DCC: variants seen among roughly 807,000 people sequenced by gnomAD.
DCC encodes netrin receptor DCC.
In DCC, 58 loss-of-function variants were observed where a neutral mutation model predicts 172.5. That is an observed-to-expected ratio of 0.34 (90% CI 0.27 to 0.42). The LOEUF (loss-of-function observed/expected upper bound fraction) is 0.42, where lower values mean the gene tolerates loss of function less well. Ranked by LOEUF, DCC falls within the 10% of genes least tolerant of loss-of-function variation. DCC has a pLI of 1.00. For synonymous variants in DCC, 709 were observed against 644.5 expected, an observed-to-expected ratio of 1.10 and a Z score of -1.52; for missense variants, 1,740 against 1,791.0, an observed-to-expected ratio of 0.97 and a Z score of 0.51.
At position 53,226,951 on chromosome 18, in the gene DCC, T is replaced by A. The variant is rs1453985392; in HGVS notation, c.1911+11354T>A. Among the ~76,000 whole-genome samples, 256 of 111,680 alleles carry A rather than the reference T, an allele frequency of 2.3e-3. 7 individuals carry two copies. The highest frequency in any genetic ancestry group is 8.1e-3 in the Middle Eastern group (2 of 246). 73.3% of individuals were successfully genotyped at this position (111,680 alleles called of 152,430 possible). On this transcript the variant is annotated intron_variant, in intron 12 of 28. Transcript: ENST00000442544. ...GTGTGTGTGTATATATATATATATT[T>A]TTTTTTTTTTTTTTTTGAGGCAGAG...
chr18:53,234,070 G>C (rs1041872933), intron 12 of DCC, among the ~76,000 whole-genome samples: 2 of 152,130 alleles, frequency 1.3e-5, no homozygotes, highest in Non-Finnish European at 2.9e-5. Flanking sequence ...GACCAACATG[G>C]AGAAACACCA....
intron 13 of DCC, among the ~76,000 whole-genome samples, chr18:53,310,375 G>T (rs1180664915): frequency 6.6e-6 from 1 of 151,918 alleles, no homozygotes; most frequent in African/African-American, 2.4e-5. Flanking sequence ...TTAAAAAATT[G>T]GAAATTTCAG....
chr18:53,397,899 G>A (rs1003938639), intron 18 of DCC, among the ~76,000 whole-genome samples: 1 of 152,174 alleles, frequency 6.6e-6, no homozygotes, highest in Non-Finnish European at 1.5e-5. Context: ...AACCTTGGCT[G>A]GATATGGGAA....
intron 1 of DCC, among the ~76,000 whole-genome samples, chr18:52,373,811 C>T (rs922759902): frequency 1.3e-5 from 2 of 151,898 alleles, no homozygotes; most frequent in African/African-American, 4.8e-5. Context: ...CTTATCCTCT[C>T]TCTCCCTGGA....
intron 1 of DCC, among the ~76,000 whole-genome samples, chr18:52,421,645 T>A (rs1305443867): frequency 6.6e-6 from 1 of 152,202 alleles, no homozygotes; most frequent in South Asian, 2.1e-4. Flanking sequence ...ATCTTGGCAC[T>A]TGAGCCTTCA....
At chr18:53,308,032 G>A (rs773529076) in intron 13 of DCC, among the ~76,000 whole-genome samples, 66 of 148,514 alleles carry the variant, frequency 4.4e-4, no homozygotes, top group Non-Finnish European at 8.2e-4. Flanking sequence ...TATGACCCAG[G>A]TTTCCAAATT....
chr18:53,152,688 A>C (rs1317616601), intron 7 of DCC, among the ~76,000 whole-genome samples: 1 of 152,230 alleles, frequency 6.6e-6, no homozygotes, highest in African/African-American at 2.4e-5. Context: ...CAGAGAGATT[A>C]GGGCCAGACT....
At chr18:53,427,531 G>C (rs1227988283) in intron 21 of DCC, among the ~76,000 whole-genome samples, 1 of 151,562 alleles carries the variant, frequency 6.6e-6, no homozygotes, top group Non-Finnish European at 1.5e-5. Context: ...GGGTGATCAG[G>C]AGCAGCTGAC....
At chr18:53,155,410 C>T (rs868343429) in intron 7 of DCC, among the ~76,000 whole-genome samples, 1 of 152,136 alleles carries the variant, frequency 6.6e-6, no homozygotes, top group East Asian at 1.9e-4. Context: ...AGATGAAACA[C>T]GTATTCCCTA....
At chr18:53,411,328 A>G (rs970148552) in intron 20 of DCC, among the ~76,000 whole-genome samples, 27 of 152,270 alleles carry the variant, frequency 1.8e-4, no homozygotes, top group African/African-American at 6.0e-4. Flanking sequence ...AATGATTACA[A>G]TAATTTGAAT....
chr18:52,860,504 C>A (rs2039123852), intron 2 of DCC, among the ~76,000 whole-genome samples: 1 of 152,182 alleles, frequency 6.6e-6, no homozygotes, highest in African/African-American at 2.4e-5. Flanking sequence ...AAACAATGGG[C>A]AGGGCTAGAA....
intron 15 of DCC, among the ~76,000 whole-genome samples, chr18:53,367,809 A>G (rs1014389739): frequency 3.9e-5 from 6 of 152,186 alleles, no homozygotes; most frequent in African/African-American, 1.4e-4. Context: ...TTCACTTAGC[A>G]TAAGGGCCTG....
intron 12 of DCC, among the ~76,000 whole-genome samples, chr18:53,264,070 C>T (rs918374329): frequency 6.6e-6 from 1 of 152,046 alleles, no homozygotes; most frequent in Non-Finnish European, 1.5e-5. Flanking sequence ...CCCACAAATC[C>T]CATCAGCATA....
chr18:52,844,105 G>C (rs1035410715), intron 2 of DCC, among the ~76,000 whole-genome samples: 1 of 152,052 alleles, frequency 6.6e-6, no homozygotes, highest in Non-Finnish European at 1.5e-5. Context: ...ACACCCCATA[G>C]GGTCATTGTG....
chr18:53,114,347 A>G (rs150977483), intron 7 of DCC, among the ~76,000 whole-genome samples: 2 of 151,162 alleles, frequency 1.3e-5, no homozygotes, highest in Admixed American at 6.6e-5. Flanking sequence ...TTTAACTTTG[A>G]AAAGAAAAGT....
intron 5 of DCC, among the ~76,000 whole-genome samples, chr18:52,961,626 A>T (rs5002781): frequency 6.6e-6 from 1 of 152,164 alleles, no homozygotes; most frequent in East Asian, 1.9e-4. Flanking sequence ...GCACAAATAC[A>T]TTGATGCATT....
chr18:53,151,114 T>C (rs1181210320), intron 7 of DCC, among the ~76,000 whole-genome samples: 1 of 152,232 alleles, frequency 6.6e-6, no homozygotes, highest in Non-Finnish European at 1.5e-5. Context: ...TCAATTAACA[T>C]TGAATGGATT....
At chr18:53,226,914 C>CTGTGTGTGTGTGTG (rs35341474) in intron 12 of DCC, among the ~76,000 whole-genome samples, 1 of 103,676 alleles carries the variant, frequency 9.6e-6, no homozygotes, top group African/African-American at 4.1e-5. Flanking sequence ...AATAGTGTAA[C>CTGTGTGTGTGTGTG]TGTGTGTGTG....
intron 8 of DCC, among the ~76,000 whole-genome samples, chr18:53,177,471 A>T (rs937978406): frequency 2.0e-5 from 3 of 152,202 alleles, no homozygotes; most frequent in Non-Finnish European, 4.4e-5. Context: ...ATAACAAATA[A>T]GCCCTAAAAT....
Sources: allele counts gnomAD v4.1 joint callset (sites outside exome capture counted in the v4.1 genomes callset), GRCh38; gene constraint gnomAD v4.1.1; transcripts MANE v1.5; gene names NCBI Gene and HGNC (gene_info 2026-07-23, HGNC 2026-07-21).